KCNC4: variants seen among roughly 807,000 people sequenced by gnomAD.
The protein encoded by KCNC4 is voltage-gated potassium channel KCNC4.
In KCNC4, 23 loss-of-function variants were observed where a neutral mutation model predicts 42.8. The observed-to-expected ratio is 0.54, with a 90% CI of 0.39 to 0.76. The LOEUF (loss-of-function observed/expected upper bound fraction) is 0.76, where lower values mean the gene tolerates loss of function less well. KCNC4 is among the 30% of genes least tolerant of loss of function. The pLI, the probability that KCNC4 is intolerant of heterozygous loss-of-function variation, is 0.00. For synonymous variants in KCNC4, 422 were observed against 393.5 expected (o/e 1.07, Z -0.86); for missense variants, 751 against 898.2 (o/e 0.84, Z 2.10).
intron 1 of KCNC4, among the ~76,000 whole-genome samples, chr1:110,215,951 T>G (rs545111672): frequency 2.6e-5 from 4 of 152,214 alleles, no homozygotes; most frequent in Non-Finnish European, 4.4e-5. Context: ...CTGGAGAGCT[T>G]CTTCCTCCAC....
exon 4 of KCNC4, chr1:110,244,359 A>T (rs1339218596): frequency 2.8e-5 from 4 of 143,760 alleles, no homozygotes. Context: ...TGGGCAACAT[A>T]GCGAGACTCT....
Position 110,226,136 on chromosome 1 carries a change from A to G in KCNC4, c.1777A>G (p.Ser593Gly). Residue 593 changes from serine (S) to glycine (G), a missense_variant, in exon 3 of 4, where the codon AGC becomes GGC. Physicochemically the swap from Ser to Gly is moderately conservative, Grantham distance 56. Coordinates refer to ENST00000438661, the MANE Select transcript of KCNC4 (RefSeq NM_001039574.3). ...NKKAAACFLLSTGDYACADGS... is the reference protein window; with the variant it reads ...NKKAAACFLLGTGDYACADGS... ...GAAGGCAGCTGCCTGCTTCCTGCTC[A>G]GCACTGGGGACTATGCCTGCGCCGA... is the stretch of plus-strand genomic sequence containing the variant. The G allele has an allele frequency of 6.2e-7, 1 of 1,614,044 alleles. No homozygotes were observed.
downstream of KCNC4, chr1:110,238,831 TC>T (rs1658966083): frequency 6.6e-6 from 1 of 152,226 alleles, no homozygotes; most frequent in Non-Finnish European, 1.5e-5. Flanking sequence ...ACCTGTGAAC[TC>T]TGTCCTCAGG....
At chr1:110,273,163 C>G (rs942104201) in intron 1 of KCNC4, among the ~76,000 whole-genome samples, 1 of 152,212 alleles carries the variant, frequency 6.6e-6, no homozygotes, top group Non-Finnish European at 1.5e-5. Context: ...CTAGTTAGAG[C>G]TACAGAGTGC....
At chr1:110,258,288 A>G (rs1306532715) in intron 1 of KCNC4, among the ~76,000 whole-genome samples, 2 of 152,014 alleles carry the variant, frequency 1.3e-5, no homozygotes, top group Non-Finnish European at 2.9e-5. Flanking sequence ...GCCAGGCTGG[A>G]GTACAGTGGC....
chr1:110,216,559 G>T (rs1053925930), intron 1 of KCNC4, among the ~76,000 whole-genome samples: 2 of 152,228 alleles, frequency 1.3e-5, no homozygotes, highest in African/African-American at 4.8e-5. Flanking sequence ...TTAGGGGTGG[G>T]GTGTGGAGTA....
intron 1 of KCNC4, among the ~76,000 whole-genome samples, chr1:110,218,661 C>T (rs514092): frequency 0.65 from 99,183 of 151,936 alleles, 33,324 homozygotes; most frequent in African/African-American, 0.8. Flanking sequence ...CCCTTTTTCA[C>T]TTTATAAATG....
intron 1 of KCNC4, among the ~76,000 whole-genome samples, chr1:110,274,310 G>T (rs1659681945): frequency 6.6e-6 from 1 of 152,074 alleles, no homozygotes; most frequent in African/African-American, 2.4e-5. Context: ...CCATGAAAAA[G>T]AATGAAATCC....
chr1:110,253,683 A>G (rs762431566), downstream of KCNC4, among the ~76,000 whole-genome samples: 10 of 152,142 alleles, frequency 6.6e-5, no homozygotes, highest in Non-Finnish European at 2.9e-5. Context: ...TGTTTCTTGG[A>G]ACATGTTCCA....
chr1:110,214,235 T>TTCC (rs767300030), intron 1 of KCNC4, among the ~76,000 whole-genome samples: 1 of 152,200 alleles, frequency 6.6e-6, no homozygotes, highest in Non-Finnish European at 1.5e-5. Flanking sequence ...CATTTAAACA[T>TTCC]TGAGAAAACC....
chr1:110,268,610 G>GAAAAAAAAAAA (rs1177241176), intron 1 of KCNC4, among the ~76,000 whole-genome samples: 4 of 81,764 alleles, frequency 4.9e-5, no homozygotes, highest in African/African-American at 9.0e-5. Context: ...TGTCTCAAAA[G>GAAAAAAAAAAA]AAAAAAAAAA....
chr1:110,247,558 T>TTC (rs1659177930), exon 4 of KCNC4: 1 of 70,660 alleles, frequency 1.4e-5, no homozygotes, highest in African/African-American at 4.0e-5. Context: ...CTTTTTTCTT[T>TTC]TTTTTTTTTT....
Position 110,223,702 on chromosome 1 carries a change from A to C in KCNC4, c.1417A>C (p.Asn473His). 5.0e-6 allele frequency: 8 copies of C among 1,614,094 alleles called. No homozygotes were observed. The highest frequency in any genetic ancestry group is 6.8e-6 in the Non-Finnish European group (8 of 1,180,024). Residue 473 changes from asparagine to histidine, a missense_variant, in exon 2 of 4, where the codon AAC becomes CAC. Asn to His is a moderately conservative substitution (Grantham distance 68). Transcript: ENST00000438661. This position sits in a 1 kb window ranked among gnomAD's most constrained non-coding sequence, Gnocchi z 7.5. ...CGCCATGCCGGTGCCTGTCATCGTC[A>C]ACAACTTCGGCATGTACTACTCCCT... ...TIAMPVPVIV[N>H]NFGMYYSLAM...
At chr1:110,224,675 C>T (rs1345463467) in intron 2 of KCNC4, 1 of 152,220 alleles carries the variant, frequency 6.6e-6, no homozygotes, top group East Asian at 1.9e-4. Context: ...GAAAGGCCAT[C>T]CCAAGAAAGC....
At chr1:110,258,936 T>C (rs1379656330) in intron 1 of KCNC4, among the ~76,000 whole-genome samples, 1 of 152,172 alleles carries the variant, frequency 6.6e-6, no homozygotes, top group Non-Finnish European at 1.5e-5. Flanking sequence ...TTCTCCACGC[T>C]GAAATCCAAT....
chr1:110,269,785 T>C (rs1570583683), intron 1 of KCNC4, among the ~76,000 whole-genome samples: 1 of 152,146 alleles, frequency 6.6e-6, no homozygotes, highest in Non-Finnish European at 1.5e-5. Flanking sequence ...AAAGTGGCTG[T>C]ATTATTTTGC....
At chr1:110,259,089 T>C (rs1180217260) in intron 1 of KCNC4, among the ~76,000 whole-genome samples, 1 of 152,170 alleles carries the variant, frequency 6.6e-6, no homozygotes, top group Non-Finnish European at 1.5e-5. Flanking sequence ...GGAGGTATCC[T>C]CCTCAAGCAC....
At chr1:110,257,906 C>T (rs1435351443) in intron 1 of KCNC4, among the ~76,000 whole-genome samples, 1 of 152,106 alleles carries the variant, frequency 6.6e-6, no homozygotes, top group Non-Finnish European at 1.5e-5. Flanking sequence ...ATATTTCAGG[C>T]AGGAAAAGTG....
intron 1 of KCNC4, among the ~76,000 whole-genome samples, chr1:110,257,730 A>AAAAAAG (rs1659361648): frequency 6.7e-6 from 1 of 149,012 alleles, no homozygotes; most frequent in Admixed American, 6.7e-5. Flanking sequence ...CAAAAAAAAA[A>AAAAAAG]AAAAAAAAAA....
Sources: gnomAD v4.1 joint callset for allele counts (sites outside exome capture counted in the v4.1 genomes callset) on GRCh38, gnomAD v4.1.1 for gene constraint, Gnocchi (gnomAD v3.1) non-coding constraint, MANE v1.5 for transcripts, NCBI Gene and HGNC (gene_info 2026-07-23, HGNC 2026-07-21) for gene names.